Variants in CSTL1 observed in about 807,000 individuals in gnomAD.
CSTL1 encodes cystatin-like 1.
A neutral mutation model predicts 14.4 loss-of-function variants in CSTL1; 14 were observed. That is an observed-to-expected ratio of 0.97 (90% confidence interval 0.64 to 1.52). The LOEUF (loss-of-function observed/expected upper bound fraction) is 1.52, where lower values mean the gene tolerates loss of function less well. Among genes scored for constraint, CSTL1 ranks in the 40% most tolerant of loss-of-function variants. The pLI is 0.00. For missense variants in CSTL1, 170 were observed against 168.7 expected, an observed-to-expected ratio of 1.01 and a Z score of -0.04; for synonymous variants, 72 against 67.5, an observed-to-expected ratio of 1.07 and a Z score of -0.33.
chr20:23,447,085 T>C (rs145907483), downstream of CSTL1, among the ~76,000 whole-genome samples: 57 of 152,302 alleles, frequency 3.7e-4, no homozygotes, highest in African/African-American at 1.3e-3. Context: ...ATTATCCTAT[T>C]TGATCATCAT....
At chr20:23,445,236 T>TC (rs1277088598), downstream of CSTL1, among the ~76,000 whole-genome samples, 1 of 149,138 alleles carries the variant, frequency 6.7e-6, no homozygotes, top group East Asian at 1.9e-4. Context: ...TCTTTCTTTT[T>TC]TTTTTTTTTT....
chr20:23,442,007 A>G (rs1356518780), intron 2 of CSTL1, among the ~76,000 whole-genome samples: 1 of 152,250 alleles, frequency 6.6e-6, no homozygotes, highest in Admixed American at 6.5e-5. Context: ...CTTCTACCAC[A>G]AGATGGCGAT....
the CSTL1 span, chr20:23,459,255 T>C: frequency 6.6e-6 from 1 of 152,172 alleles, no homozygotes. Context: ...TTTGAATCCC[T>C]TGGGACAACA....
At chr20:23,441,709 T>A (rs1426639736) in intron 2 of CSTL1, among the ~76,000 whole-genome samples, 1 of 152,222 alleles carries the variant, frequency 6.6e-6, no homozygotes, top group Non-Finnish European at 1.5e-5. Context: ...CCATACATTT[T>A]TTTTTCCTGA....
downstream of CSTL1, among the ~76,000 whole-genome samples, chr20:23,448,474 AGTACCAAT>A (rs1372150043): frequency 1.3e-5 from 2 of 152,346 alleles, no homozygotes; most frequent in East Asian, 3.9e-4. Context: ...GCACACACAC[AGTACCAAT>A]GTTGGCTTCC....
At chr20:23,458,956 GGCA>G in the CSTL1 span, 1 of 152,212 alleles carries the variant, frequency 6.6e-6, no homozygotes, top group African/African-American at 2.4e-5. Context: ...AGCTTCCTGG[GGCA>G]GCCAAATTCC....
chr20:23,454,103 AACAC>A, the CSTL1 span, among the ~76,000 whole-genome samples: 1 of 151,666 alleles, frequency 6.6e-6, no homozygotes, highest in East Asian at 1.9e-4. Flanking sequence ...ACACACACAC[AACAC>A]ACAGAGACAC....
downstream of CSTL1, among the ~76,000 whole-genome samples, chr20:23,446,525 G>A (rs1021558673): frequency 2.0e-5 from 3 of 152,034 alleles, no homozygotes; most frequent in African/African-American, 7.2e-5. Context: ...CAAAGTGCTG[G>A]GATGACAAGC....
chr20:23,455,179 C>G, the CSTL1 span, among the ~76,000 whole-genome samples: 3 of 152,118 alleles, frequency 2.0e-5, no homozygotes, highest in Admixed American at 2.0e-4. Flanking sequence ...GGAGTGCCAG[C>G]CCTATATTGC....
intron 2 of CSTL1, 56 bp from the exon 3 acceptor site, chr20:23,443,878 G>A (rs1013316680): frequency 7.7e-6 from 10 of 1,304,586 alleles, no homozygotes; most frequent in Non-Finnish European, 1.1e-5. Context: ...CTCCAGGAGA[G>A]GGTCAGCCAC....
rs1460461925 is a variant in CSTL1, at chr20:23,440,173, G to T, written c.-95G>T. 4.7e-6 allele frequency: 6 copies of T among 1,289,608 alleles called. No individual in the cohort carries two copies. The highest frequency in any genetic ancestry group is 6.7e-6 in the Non-Finnish European group (6 of 900,804). The allele number at this position is 1,289,608 out of a possible 1,614,324, so 79.9% of individuals were successfully genotyped here. On this transcript the variant is annotated 5_prime_UTR_variant, in exon 2 of 4. Transcript: ENST00000347397. Reference sequence around the variant, plus strand: ...GCCATCCCCCAGGAAAGCCTATGTTGGTGAGGGTTATGATGGGAGAATGAG... The same window carrying T: ...GCCATCCCCCAGGAAAGCCTATGTTTGTGAGGGTTATGATGGGAGAATGAG...
downstream of CSTL1, among the ~76,000 whole-genome samples, chr20:23,445,597 G>A (rs6048799): frequency 5.3e-3 from 810 of 152,210 alleles, 8 homozygotes; most frequent in African/African-American, 0.018. Context: ...TAATCATTGG[G>A]GAAACCTCAT....
At chr20:23,449,969 G>A in the CSTL1 span, among the ~76,000 whole-genome samples, 3 of 152,156 alleles carry the variant, frequency 2.0e-5, no homozygotes, top group Non-Finnish European at 4.4e-5. Flanking sequence ...GCAAAAATAA[G>A]GCACATCTCT....
downstream of CSTL1, among the ~76,000 whole-genome samples, chr20:23,445,121 C>T (rs1025026422): frequency 6.6e-6 from 1 of 152,128 alleles, no homozygotes; most frequent in Non-Finnish European, 1.5e-5. Flanking sequence ...CTCATCCACC[C>T]GCCCACCCAC....
chr20:23,457,553 A>ATG, the CSTL1 span: 9 of 150,018 alleles, frequency 6.0e-5, no homozygotes, highest in African/African-American at 2.0e-4. Flanking sequence ...ATGTATATAT[A>ATG]TGTGTGTATA....
downstream of CSTL1, chr20:23,444,956 C>G: frequency 2.2e-6 from 2 of 892,394 alleles, no homozygotes; most frequent in South Asian, 2.7e-5. Context: ...GGTCTTATTA[C>G]ACATGCACAC....
chr20:23,450,379 AAG>A, the CSTL1 span: 1 of 621,268 alleles, frequency 1.6e-6, no homozygotes, highest in Non-Finnish European at 2.6e-6. Context: ...TAAAAAGAAA[AAG>A]AAAAAAAGTG....
the CSTL1 span, among the ~76,000 whole-genome samples, chr20:23,452,106 A>G: frequency 6.6e-6 from 1 of 152,178 alleles, no homozygotes; most frequent in Admixed American, 6.5e-5. Flanking sequence ...TTAACCAGAA[A>G]CCATCAGAAA....
chr20:23,444,236 C>T (rs975054684), intron 3 of CSTL1, among the ~76,000 whole-genome samples, 192 bp downstream of exon 3: 9 of 152,214 alleles, frequency 5.9e-5, no homozygotes, highest in African/African-American at 1.7e-4. Context: ...AGCCCTGCAC[C>T]CAGGCCTCTG....
Sources: gnomAD v4.1 joint callset for allele counts (sites outside exome capture counted in the v4.1 genomes callset) on GRCh38, gnomAD v4.1.1 for gene constraint, MANE v1.5 for transcripts, NCBI Gene and HGNC (gene_info 2026-07-23, HGNC 2026-07-21) for gene names.